DCAF1: variants seen among roughly 807,000 people sequenced by gnomAD.
DCAF1 encodes the protein DDB1- and CUL4-associated factor 1.
Under a neutral mutation model 128.0 loss-of-function variants are expected in DCAF1, and 15 were observed. The observed-to-expected ratio is 0.12, with a 90% CI of 0.08 to 0.18. The LOEUF (loss-of-function observed/expected upper bound fraction) is 0.18, where lower values mean the gene tolerates loss of function less well. DCAF1 is among the 10% of genes least tolerant of loss of function. DCAF1 has a pLI of 1.00. For synonymous variants in DCAF1, 610 were observed against 603.0 expected, an observed-to-expected ratio of 1.01 and a Z score of -0.17; for missense variants, 988 against 1,649.5, an observed-to-expected ratio of 0.60 and a Z score of 6.95.
intron 23 of DCAF1, among the ~76,000 whole-genome samples, chr3:51,406,104 G>A (rs1041452532): frequency 1.3e-5 from 2 of 152,014 alleles, no homozygotes; most frequent in African/African-American, 4.8e-5. Context: ...AACACTTTGG[G>A]AGGCTGAGGC....
At chr3:51,401,849 T>C (rs1322826343) in intron 24 of DCAF1, among the ~76,000 whole-genome samples, 1 of 152,212 alleles carries the variant, frequency 6.6e-6, no homozygotes, top group Non-Finnish European at 1.5e-5. Context: ...AAAACGTTCA[T>C]TAAAACTTTG....
chr3:51,441,760 G>C lies in DCAF1; in HGVS notation c.651C>G (p.Asp217Glu). ...LPLDEEAVDMDYGDMAVDVVD... is the reference protein window; with the variant it reads ...LPLDEEAVDMEYGDMAVDVVD... ...CTACATCTACAGCCATGTCACCATA[G>C]TCCATATCCACAGCCTCCTCATCCA... is the stretch of plus-strand genomic sequence containing the variant. Residue 217 changes from aspartate to glutamate, a missense_variant, in exon 8 of 25, where the codon GAC becomes GAG. Physicochemically the swap from Asp to Glu is conservative, Grantham distance 45. Around this residue, in one of 11 missense-constraint regions of DCAF1, gnomAD observed 210 missense variants for 260.2 expected, o/e 0.81. Coordinates refer to ENST00000684031, the MANE Select transcript of DCAF1 (RefSeq NM_001387579.1). The C allele has an allele frequency of 6.2e-7, 1 of 1,613,906 alleles. No individual in the cohort carries two copies. The highest frequency in any genetic ancestry group is 8.5e-7 in the Non-Finnish European group (1 of 1,179,884).
chr3:51,459,418 G>A (rs200241089), intron 6 of DCAF1, among the ~76,000 whole-genome samples: 1 of 145,968 alleles, frequency 6.9e-6, no homozygotes, highest in Admixed American at 6.9e-5. Flanking sequence ...ATAATCAATA[G>A]CTTACCAACC....
downstream of DCAF1, chr3:51,397,689 G>GT (rs1403140186): frequency 6.0e-6 from 1 of 166,592 alleles, no homozygotes; most frequent in Non-Finnish European, 1.5e-5. Flanking sequence ...GGCAGACACT[G>GT]TGAGTATAAG....
At chr3:51,463,365 T>C (rs1227531673) in intron 5 of DCAF1, 138 bp from the exon 6 acceptor site, 1 of 432,500 alleles carries the variant, frequency 2.3e-6, no homozygotes, top group African/African-American at 2.0e-5. Context: ...ATTAAACTTT[T>C]ACTAATTAAA....
intron 11 of DCAF1, 134 bp downstream of exon 11, chr3:51,429,899 A>G: frequency 1.7e-6 from 1 of 597,658 alleles, no homozygotes; most frequent in Non-Finnish European, 3.0e-6. Flanking sequence ...GGAAAAAAAA[A>G]AAACTTCACA....
chr3:51,455,905 GA>G (rs1215449609), intron 6 of DCAF1, among the ~76,000 whole-genome samples: 6 of 146,664 alleles, frequency 4.1e-5, no homozygotes, highest in East Asian at 2.0e-4. Context: ...CTCAAAAAAA[GA>G]AAAAAAAAAG....
At chr3:51,418,560 T>C (rs1699105125) in intron 16 of DCAF1, 118 bp downstream of exon 16, 1 of 1,460,200 alleles carries the variant, frequency 6.8e-7, no homozygotes, top group Non-Finnish European at 9.1e-7. Context: ...TCAACTAGAC[T>C]TTCCAGTTGA....
chr3:51,434,105 ATAAG>A (rs1161340028), intron 9 of DCAF1, among the ~76,000 whole-genome samples: 1 of 151,494 alleles, frequency 6.6e-6, no homozygotes, highest in Non-Finnish European at 1.5e-5. Flanking sequence ...AAAATTTACT[ATAAG>A]TAATGATATT....
intron 4 of DCAF1, among the ~76,000 whole-genome samples, chr3:51,468,949 C>T (rs1343803713): frequency 6.6e-6 from 1 of 152,154 alleles, no homozygotes. Context: ...TCTGATTTCA[C>T]ATTCACTTTC....
chr3:51,493,927 G>A (rs1707948370), intron 2 of DCAF1, among the ~76,000 whole-genome samples: 1 of 151,398 alleles, frequency 6.6e-6, no homozygotes, highest in South Asian at 2.1e-4. Flanking sequence ...AACCTGGGAG[G>A]CGGAGGTTGC....
rs574125702 is a variant in DCAF1, at chr3:51,470,375, G to C, written c.187+554C>G. Among the ~76,000 whole-genome samples, 14 of 152,178 alleles carry C rather than the reference G, an allele frequency of 9.2e-5. No homozygotes were observed. The South Asian group carries it at 2.7e-3, about 29-fold the overall frequency. On this transcript the variant is annotated intron_variant, in intron 4 of 24. Coordinates refer to ENST00000684031, the MANE Select transcript of DCAF1 (RefSeq NM_001387579.1). ...CAGGAGTTCGAGACCAACTTGGGCA[G>C]CAAAGCAAGACCCCATCTCTACAAA...
intron 23 of DCAF1, among the ~76,000 whole-genome samples, chr3:51,411,925 A>T (rs2107147604): frequency 6.6e-6 from 1 of 152,146 alleles, no homozygotes; most frequent in South Asian, 2.1e-4. Context: ...AGCCTGGCCA[A>T]CACGGTGAAA....
intron 2 of DCAF1, among the ~76,000 whole-genome samples, chr3:51,493,041 T>C (rs1306924716): frequency 6.6e-6 from 1 of 151,156 alleles, no homozygotes; most frequent in Non-Finnish European, 1.5e-5. Flanking sequence ...GTATAGTAGT[T>C]ATAAAAAACA....
rs782037189 is a variant in DCAF1 at position 51,466,783 on chromosome 3, AAAGT to A, written c.261+16_261+19del. The A allele has an allele frequency of 6.2e-7, 1 of 1,611,610 alleles. No homozygotes were observed. The highest frequency in any genetic ancestry group is 1.1e-5 in the South Asian group (1 of 91,004). ...ATCTACAGATGATAATCGCTGGAGA[AAAGT>A]AAGAAGCAAACCTACTGCATTCATG... is the stretch of plus-strand genomic sequence containing the variant. On this transcript the variant is annotated intron_variant, in intron 5 of 24. Coordinates refer to ENST00000684031, the MANE Select transcript of DCAF1 (RefSeq NM_001387579.1).
At chr3:51,432,839 A>AGTT (rs1700512383) in intron 10 of DCAF1, among the ~76,000 whole-genome samples, 2 of 152,328 alleles carry the variant, frequency 1.3e-5, no homozygotes, top group Admixed American at 1.3e-4. Context: ...AATGCCACAG[A>AGTT]AATGGCAAAA....
chr3:51,413,448 G>A (rs1391462424), intron 20 of DCAF1, 62 bp from the exon 21 acceptor site: 11 of 1,554,216 alleles, frequency 7.1e-6, no homozygotes, highest in Non-Finnish European at 7.8e-6. Flanking sequence ...CTTCACAAGT[G>A]CAGAAAATGT....
chr3:51,428,359 T>A (rs1203109393), intron 12 of DCAF1, among the ~76,000 whole-genome samples: 1 of 121,878 alleles, frequency 8.2e-6, no homozygotes, highest in Non-Finnish European at 1.6e-5. Flanking sequence ...TTTGAGACAG[T>A]CTCTGCCCAG....
chr3:51,438,108 G>T, intron 9 of DCAF1: 1 of 431,882 alleles, frequency 2.3e-6, no homozygotes, highest in Non-Finnish European at 4.5e-6. Context: ...AAATTTCCCT[G>T]AAAGTTTGGT....
Sources: gnomAD v4.1 joint callset for allele counts (sites outside exome capture counted in the v4.1 genomes callset) on GRCh38, gnomAD v4.1.1 for gene constraint, gnomAD v4.1.1 regional missense constraint, MANE v1.5 for transcripts, NCBI Gene and HGNC (gene_info 2026-07-23, HGNC 2026-07-21) for gene names.